SRGAP3: variants seen among roughly 807,000 people sequenced by gnomAD.
SRGAP3 encodes the protein SLIT-ROBO Rho GTPase activating protein 3, also known as SLIT-ROBO Rho GTPase-activating protein 3.
In SRGAP3, 39 loss-of-function variants were observed where a neutral mutation model predicts 121.1. The ratio of observed to expected loss-of-function variants is 0.32; its 90% CI spans 0.25 to 0.42. The LOEUF (loss-of-function observed/expected upper bound fraction) is 0.42. Ranked by LOEUF, SRGAP3 falls within the 10% of genes least tolerant of loss-of-function variation. The pLI, the probability that SRGAP3 is intolerant of heterozygous loss-of-function variation, is 1.00. For synonymous variants in SRGAP3, 601 were observed against 570.0 expected (o/e 1.05, Z -0.77); for missense variants, 1,213 against 1,470.6 (o/e 0.82, Z 2.86).
intron 9 of SRGAP3, among the ~76,000 whole-genome samples, chr3:9,049,650 G>A (rs1382757386): frequency 5.3e-5 from 8 of 152,168 alleles, no homozygotes; most frequent in Admixed American, 2.0e-4. Context: ...CTGTCAACAC[G>A]CAAATTCCTG....
At chr3:9,035,138 T>A (rs1420785772) in intron 11 of SRGAP3, 1 of 152,108 alleles carries the variant, frequency 6.6e-6, no homozygotes, top group Non-Finnish European at 1.5e-5. Flanking sequence ...ATGAAAGTGA[T>A]TTTATCATAG....
In SRGAP3 at chr3:8,984,565, T is replaced by C. The variant is rs1941579633; in HGVS notation, c.*954A>G. On this transcript the variant is annotated 3_prime_UTR_variant, in exon 22 of 22. Coordinates refer to ENST00000383836, the MANE Select transcript of SRGAP3 (RefSeq NM_014850.4). ...TGTATTTTTATTTTTCCCAACCACA[T>C]GTAATACTGTGCTACGATGGGGCTT... The C allele has an allele frequency of 8.6e-6, 2 of 232,492 alleles. No individual in the cohort carries two copies. The highest frequency in any genetic ancestry group is 1.7e-5 in the Non-Finnish European group (2 of 117,616). The allele number at this position is 232,492 out of a possible 1,614,324, so 14.4% of individuals were successfully genotyped here.
intron 1 of SRGAP3, among the ~76,000 whole-genome samples, chr3:9,351,907 C>T (rs916788367): frequency 7.9e-5 from 12 of 152,160 alleles, no homozygotes; most frequent in African/African-American, 2.9e-4. Flanking sequence ...TCTTCGTGTC[C>T]TTAGAGAATG....
rs1230154906 is a variant in SRGAP3 at position 9,124,959 on chromosome 3, G to C, written c.68-42C>G. Reference sequence around the variant, plus strand: ...GTAGGAGCATGAGACTGGTGGTGGGGACGGGGGCACTGGGGCCCGCTCTGC... The same window carrying C: ...GTAGGAGCATGAGACTGGTGGTGGGCACGGGGGCACTGGGGCCCGCTCTGC... On this transcript the variant is annotated intron_variant, in intron 1 of 21. Transcript: ENST00000383836. 5 of 1,611,482 alleles carry C rather than the reference G, an allele frequency of 3.1e-6. No individual in the cohort carries two copies. The Admixed American group carries it at 8.3e-5, about 27-fold the overall frequency.
chr3:9,252,765 T>A (rs1414275486), upstream of SRGAP3, among the ~76,000 whole-genome samples: 1 of 148,822 alleles, frequency 6.7e-6, no homozygotes, highest in Non-Finnish European at 1.5e-5. Context: ...GTGAGCCCAC[T>A]TTTTCCTTGC....
At chr3:9,139,355 C>T (rs146757003) in intron 1 of SRGAP3, among the ~76,000 whole-genome samples, 34 of 152,228 alleles carry the variant, frequency 2.2e-4, no homozygotes, top group African/African-American at 8.2e-4. Flanking sequence ...GGAGATTATC[C>T]TGGATCATCT....
In SRGAP3 at chr3:9,198,585, G is replaced by T. The variant is rs9877463; in HGVS notation, c.67+50300C>A. Among the ~76,000 whole-genome samples the T allele has an allele frequency of 6.2e-3, 948 of 152,252 alleles. 7 individuals are homozygous for T. The highest frequency in any genetic ancestry group is 0.022 in the African/African-American group (899 of 41,526). The stretch of plus-strand genomic sequence containing the variant: ...GGGGCTTTACCTTTTCATTTGTACA[G>T]GGCCCTCCAAATTAGGTATCCAGTC... On this transcript the variant is annotated intron_variant, in intron 1 of 21. Coordinates refer to ENST00000383836, the MANE Select transcript of SRGAP3 (RefSeq NM_014850.4).
intron 1 of SRGAP3, among the ~76,000 whole-genome samples, chr3:9,147,492 T>C (rs1181561663): frequency 6.6e-6 from 1 of 152,098 alleles, no homozygotes; most frequent in Non-Finnish European, 1.5e-5. Context: ...AGCCACAACC[T>C]GAGCCCCGGA....
intron 4 of SRGAP3, among the ~76,000 whole-genome samples, chr3:9,070,886 A>G (rs574312933): frequency 6.6e-6 from 1 of 152,338 alleles, no homozygotes; most frequent in East Asian, 1.9e-4. Context: ...AGATACAGGC[A>G]ATTACACAAG....
chr3:9,170,692 G>A (rs888564854), intron 1 of SRGAP3, among the ~76,000 whole-genome samples: 2 of 152,202 alleles, frequency 1.3e-5, no homozygotes, highest in African/African-American at 4.8e-5. Context: ...TTCGCCCAGC[G>A]AGGCAGATGC....
intron 18 of SRGAP3, among the ~76,000 whole-genome samples, chr3:8,997,337 T>C (rs1317231783): frequency 1.3e-5 from 2 of 152,194 alleles, no homozygotes; most frequent in Non-Finnish European, 2.9e-5. Flanking sequence ...GAGTGTCCCC[T>C]GGATCTGACC....
chr3:9,328,210 T>C (rs1390170848), intron 2 of SRGAP3, among the ~76,000 whole-genome samples: 1 of 152,246 alleles, frequency 6.6e-6, no homozygotes, highest in Non-Finnish European at 1.5e-5. Context: ...AAATACTTGA[T>C]TTAAGCACTT....
intron 12 of SRGAP3, among the ~76,000 whole-genome samples, chr3:9,031,662 CAA>C (rs1944488656): frequency 6.6e-6 from 1 of 152,208 alleles, no homozygotes; most frequent in Non-Finnish European, 1.5e-5. Flanking sequence ...TGCTGTCCTG[CAA>C]GTCTTGTGCT....
intron 2 of SRGAP3, among the ~76,000 whole-genome samples, chr3:9,117,417 G>T (rs1040931813): frequency 1.3e-5 from 2 of 152,220 alleles, no homozygotes; most frequent in African/African-American, 4.8e-5. Flanking sequence ...TCTCCCAACT[G>T]CTCTGTGAAG....
At position 9,064,528 on chromosome 3, in the gene SRGAP3, C is replaced by T. The variant is rs1212185288; in HGVS notation, c.540G>A (p.Lys180=). 1 of 1,614,160 alleles carries T rather than the reference C, an allele frequency of 6.2e-7. No homozygotes were observed. Among genetic ancestry groups the T allele is most frequent in the South Asian group, 1.1e-5 (1 of 91,084 alleles). Residue 180 remains lysine, a synonymous_variant, in exon 5 of 22, where the codon AAG becomes AAA. Coordinates refer to ENST00000383836, the MANE Select transcript of SRGAP3 (RefSeq NM_014850.4). ...YHAESISAES[K]LKEAEKQEEK... is the part of the protein sequence containing the mutation. ...CCTCCTGCTTCTCAGCCTCCTTCAG[C>T]TTGCTTTCCGCACTGATGCTCTCTG...
chr3:9,008,340 C>T (rs1341960770), intron 18 of SRGAP3: 1 of 152,226 alleles, frequency 6.6e-6, no homozygotes, highest in Non-Finnish European at 1.5e-5. Context: ...GCCCATCAGC[C>T]CGAGGAGCTG....
Position 8,992,919 on chromosome 3 carries a change from C to T in SRGAP3, c.2545G>A (p.Gly849Arg), listed in dbSNP as rs778829211. ...TEHISDYGFG[G>R]VMGRVRLRSD... is the part of the protein sequence containing the mutation. Reference sequence around the variant, plus strand: ...CGCATATCCTACCGGCCCATCACCCCCCCAAAGCCGTAATCCGAGATGTGC... The same window carrying T: ...CGCATATCCTACCGGCCCATCACCCTCCCAAAGCCGTAATCCGAGATGTGC... The change falls in exon 20 of 22, where the codon GGG becomes AGG. Residue 849 changes from glycine to arginine, a missense_variant. Physicochemically the swap from Gly to Arg is moderately radical, Grantham distance 125. Around this residue, in one of 2 missense-constraint regions of SRGAP3, gnomAD observed 420 missense variants for 437.7 expected, o/e 0.96. Transcript: ENST00000383836. The T allele has an allele frequency of 1.9e-6, 3 of 1,614,210 alleles. No homozygotes were observed. The highest frequency in any genetic ancestry group is 1.1e-5 in the South Asian group (1 of 91,086).
At chr3:9,280,977 G>GA (rs1559257905) in intron 3 of SRGAP3, among the ~76,000 whole-genome samples, 1 of 151,918 alleles carries the variant, frequency 6.6e-6, no homozygotes, top group African/African-American at 2.4e-5. Context: ...TGTTGGGGGT[G>GA]GTGGGAGTCT....
intron 3 of SRGAP3, among the ~76,000 whole-genome samples, chr3:9,297,620 G>A (rs1954973024): frequency 6.6e-6 from 1 of 152,038 alleles, no homozygotes; most frequent in African/African-American, 2.4e-5. Context: ...TTAGGGCCAG[G>A]CACGGTGACC....
Sources: gnomAD v4.1 joint callset for allele counts (sites outside exome capture counted in the v4.1 genomes callset) on GRCh38, gnomAD v4.1.1 for gene constraint, gnomAD v4.1.1 regional missense constraint, MANE v1.5 for transcripts, NCBI Gene and HGNC (gene_info 2026-07-23, HGNC 2026-07-21) for gene names.